The following ZFYVE28 variants were observed in gnomAD, a reference collection of about 807,000 sequenced individuals.
ZFYVE28 encodes zinc finger FYVE-type containing 28.
In ZFYVE28, 40 loss-of-function variants were observed where a neutral mutation model predicts 82.1. The observed-to-expected ratio is 0.49, with a 90% CI of 0.38 to 0.63. The LOEUF (loss-of-function observed/expected upper bound fraction) is 0.63. Ranked by LOEUF, ZFYVE28 falls within the 30% of genes least tolerant of loss-of-function variation. ZFYVE28 has a pLI of 0.00. For synonymous variants in ZFYVE28, 612 were observed against 546.1 expected, an observed-to-expected ratio of 1.12 and a Z score of -1.68; for missense variants, 1,321 against 1,242.1, an observed-to-expected ratio of 1.06 and a Z score of -0.96.
intron 12 of ZFYVE28, 148 bp from the exon 13 acceptor site, chr4:2,271,004 C>T (rs1735857946): frequency 2.4e-6 from 3 of 1,246,794 alleles, no homozygotes; most frequent in Non-Finnish European, 3.3e-6. Context: ...TTGTGACCTT[C>T]AGGAGGCTGG....
At chr4:2,376,388 A>AT (rs1728146183) in intron 1 of ZFYVE28, among the ~76,000 whole-genome samples, 1 of 151,152 alleles carries the variant, frequency 6.6e-6, no homozygotes, top group Non-Finnish European at 1.5e-5. Flanking sequence ...AAAAAAAAAA[A>AT]AAAAAAAAAA....
intron 1 of ZFYVE28, among the ~76,000 whole-genome samples, chr4:2,355,246 A>AATGAT (rs1725108237): frequency 4.5e-5 from 1 of 22,176 alleles, no homozygotes; most frequent in African/African-American, 2.4e-4. Context: ...ATATATATAT[A>AATGAT]TATATATATA....
intron 8 of ZFYVE28, among the ~76,000 whole-genome samples, chr4:2,301,849 C>T (rs17768393): frequency 0.12 from 18,691 of 152,200 alleles, 1,236 homozygotes; most frequent in Non-Finnish European, 0.15. Context: ...CTCACACGGC[C>T]GTGAAGCTCA....
intron 1 of ZFYVE28, among the ~76,000 whole-genome samples, chr4:2,374,067 G>A (rs1440309327): frequency 6.6e-6 from 1 of 152,102 alleles, no homozygotes; most frequent in Non-Finnish European, 1.5e-5. Flanking sequence ...GGGTCTCCAA[G>A]AGCTCCTCAC....
At chr4:2,366,539 G>A (rs1451585705) in intron 1 of ZFYVE28, among the ~76,000 whole-genome samples, 1 of 152,268 alleles carries the variant, frequency 6.6e-6, no homozygotes, top group Non-Finnish European at 1.5e-5. Context: ...AGGGGCAGGT[G>A]AAGGGTGGAA....
intron 1 of ZFYVE28, among the ~76,000 whole-genome samples, chr4:2,356,451 CCTG>C (rs1180044550): frequency 2.7e-4 from 35 of 128,072 alleles, no homozygotes; most frequent in African/African-American, 9.1e-4. Flanking sequence ...CGTTGATGTG[CCTG>C]CCCCCCCGGC....
chr4:2,309,445 G>T (rs979483590), intron 7 of ZFYVE28, among the ~76,000 whole-genome samples: 1 of 152,136 alleles, frequency 6.6e-6, no homozygotes, highest in African/African-American at 2.4e-5. Flanking sequence ...TTTATTTATT[G>T]CTGGCATACA....
chr4:2,338,164 G>A (rs768237285), intron 4 of ZFYVE28, among the ~76,000 whole-genome samples: 10 of 152,228 alleles, frequency 6.6e-5, no homozygotes, highest in Non-Finnish European at 8.8e-5. Context: ...ACCTCCGCAC[G>A]TGGACCTCCA....
chr4:2,394,775 G>A lies in ZFYVE28; in HGVS notation c.39+23510C>T, dbSNP rs1489595369. Among the ~76,000 whole-genome samples, 5 of 152,320 alleles carry A rather than the reference G, an allele frequency of 3.3e-5. No individual in the cohort carries two copies. Among genetic ancestry groups the A allele is most frequent in the Non-Finnish European group, 7.3e-5 (5 of 68,032 alleles). ...GTGTGCGTGCTTCCATTACACTGTC[G>A]GCGGTCAGAGGCGTCCTCGTCCTTG... is the stretch of plus-strand genomic sequence containing the variant. On this transcript the variant is annotated intron_variant, in intron 1 of 12. Coordinates refer to ENST00000290974, the MANE Select transcript of ZFYVE28 (RefSeq NM_020972.3). This position sits in a 1 kb window ranked among gnomAD's most constrained non-coding sequence, Gnocchi z 4.0.
intron 8 of ZFYVE28, among the ~76,000 whole-genome samples, chr4:2,288,497 C>G (rs530986541): frequency 1.3e-5 from 2 of 152,312 alleles, no homozygotes; most frequent in African/African-American, 4.8e-5. Flanking sequence ...TAAGAGGAGA[C>G]CCCCGAGGGG....
At chr4:2,376,554 C>T (rs1372350682) in intron 1 of ZFYVE28, among the ~76,000 whole-genome samples, 3 of 152,148 alleles carry the variant, frequency 2.0e-5, no homozygotes, top group African/African-American at 7.2e-5. Flanking sequence ...GAAGGTACCT[C>T]TTCACAGGGC....
At chr4:2,325,366 T>G (rs1719703518) in intron 6 of ZFYVE28, among the ~76,000 whole-genome samples, 1 of 151,994 alleles carries the variant, frequency 6.6e-6, no homozygotes. Context: ...ATACTGCCAG[T>G]ACAGGCAACT....
rs202111047 is a variant in ZFYVE28 at position 2,271,802 on chromosome 4, G to A, written c.2324-23C>T. Reference sequence around the variant, plus strand: ...TGACTAGTGGAGAAGGGGGGCCGTCGGGGTATGGTGAGGGAGGCGGGCAAT... The same window carrying A: ...TGACTAGTGGAGAAGGGGGGCCGTCAGGGTATGGTGAGGGAGGCGGGCAAT... On this transcript the variant is annotated intron_variant, in intron 10 of 12. Transcript: ENST00000290974. 187 of 1,608,228 alleles carry A rather than the reference G, an allele frequency of 1.2e-4. 1 individual carries two copies. In the African/African-American group the frequency reaches 1.4e-3, roughly 12 times the overall value.
intron 6 of ZFYVE28, among the ~76,000 whole-genome samples, chr4:2,326,663 C>A (rs1719885912): frequency 6.6e-6 from 1 of 152,128 alleles, no homozygotes; most frequent in Non-Finnish European, 1.5e-5. Flanking sequence ...TTAATTCTTC[C>A]AATCCATGAA....
At position 2,359,518 on chromosome 4, in the gene ZFYVE28, G is replaced by C. The variant is rs571763760; in HGVS notation, c.40-5445C>G. ...ATACCTGGTGTCCTTATAAGAAGAG[G>C]AAATATGGACACAGGCAGGTAGAGG... On this transcript the variant is annotated intron_variant, in intron 1 of 12. Coordinates refer to ENST00000290974, the MANE Select transcript of ZFYVE28 (RefSeq NM_020972.3). Among the ~76,000 whole-genome samples the C allele has an allele frequency of 4.3e-4, 66 of 152,286 alleles. 2 individuals are homozygous for C. The South Asian group carries it at 0.014, about 32-fold the overall frequency.
intron 8 of ZFYVE28, among the ~76,000 whole-genome samples, chr4:2,295,093 G>A (rs181926680): frequency 2.0e-5 from 3 of 152,306 alleles, no homozygotes; most frequent in Middle Eastern, 3.4e-3. Context: ...GGACACAGAG[G>A]AACTGAACTC....
chr4:2,323,683 T>G, intron 6 of ZFYVE28, among the ~76,000 whole-genome samples: 1 of 114,436 alleles, frequency 8.7e-6, no homozygotes. Flanking sequence ...CCCAATGCTA[T>G]CCCTCCCCCC....
At position 2,300,484 on chromosome 4, in the gene ZFYVE28, G is replaced by C. The variant is rs77182340; in HGVS notation, c.2051+3805C>G. Among the ~76,000 whole-genome samples, 12,032 of 152,192 alleles carry C rather than the reference G, an allele frequency of 0.079. 667 individuals carry two copies. Among genetic ancestry groups the C allele is most frequent in the Non-Finnish European group, 0.12 (8,209 of 67,982 alleles). ...CAAGGCTGATTCACTGCTGTCTGTC[G>C]AGGACGATGTCCGGACTCCCAGGTG... On this transcript the variant is annotated intron_variant, in intron 8 of 12. Coordinates refer to ENST00000290974, the MANE Select transcript of ZFYVE28 (RefSeq NM_020972.3). This position sits in a 1 kb window ranked among gnomAD's most constrained non-coding sequence, Gnocchi z 4.6.
intron 7 of ZFYVE28, among the ~76,000 whole-genome samples, chr4:2,311,396 G>A (rs1354968298): frequency 6.6e-6 from 1 of 152,064 alleles, no homozygotes; most frequent in Non-Finnish European, 1.5e-5. Flanking sequence ...TGTGGTGGCA[G>A]GCATCTGTAA....
Sources: allele counts gnomAD v4.1 joint callset (sites outside exome capture counted in the v4.1 genomes callset), GRCh38; gene constraint gnomAD v4.1.1; non-coding constraint Gnocchi (gnomAD v3.1); transcripts MANE v1.5; gene names NCBI Gene and HGNC (gene_info 2026-07-23, HGNC 2026-07-21).